The following ADAM32 variants were observed in gnomAD, a reference collection of about 807,000 sequenced individuals.
The protein encoded by ADAM32 is disintegrin and metalloproteinase domain-containing protein 32.
A neutral mutation model predicts 114.9 loss-of-function variants in ADAM32; 89 were observed. The ratio of observed to expected loss-of-function variants is 0.77; its 90% confidence interval spans 0.65 to 0.92. The LOEUF is 0.92. ADAM32 is among the 40% of genes least tolerant of loss of function. The pLI, the probability that ADAM32 is intolerant of heterozygous loss-of-function variation, is 0.00. For synonymous variants in ADAM32, 285 were observed against 307.5 expected, an observed-to-expected ratio of 0.93 and a Z score of 0.77; for missense variants, 870 against 932.8, an observed-to-expected ratio of 0.93 and a Z score of 0.88.
intron 11 of ADAM32, among the ~76,000 whole-genome samples, chr8:39,187,956 A>G (rs1806355665): frequency 6.6e-6 from 1 of 152,238 alleles, no homozygotes; most frequent in African/African-American, 2.4e-5. Context: ...GATATATCAG[A>G]CAAGAACTAC....
intron 3 of ADAM32, among the ~76,000 whole-genome samples, chr8:39,141,998 G>T (rs1441885480): frequency 1.3e-5 from 2 of 152,160 alleles, no homozygotes; most frequent in Non-Finnish European, 2.9e-5. Flanking sequence ...TTTTATCAGA[G>T]ACTAGGATTG....
At chr8:39,257,400 T>C (rs898405776) in intron 19 of ADAM32, 57 bp downstream of exon 19, 5 of 1,571,056 alleles carry the variant, frequency 3.2e-6, no homozygotes, top group East Asian at 2.3e-5. Context: ...TCTAGTTATA[T>C]GTAAGACAAT....
chr8:39,176,226 A>G (rs1434072478), intron 10 of ADAM32, among the ~76,000 whole-genome samples: 1 of 151,942 alleles, frequency 6.6e-6, no homozygotes, highest in Admixed American at 6.6e-5. Context: ...GTCTTCTGCT[A>G]GCTTTGGGGT....
intron 16 of ADAM32, among the ~76,000 whole-genome samples, chr8:39,239,286 A>G (rs993351853): frequency 2.6e-5 from 4 of 152,202 alleles, no homozygotes; most frequent in African/African-American, 9.6e-5. Flanking sequence ...AAACAAAACA[A>G]TTATCAGCTA....
chr8:39,221,730 C>G (rs372185672), intron 13 of ADAM32, 28 bp downstream of exon 13: 39 of 1,535,948 alleles, frequency 2.5e-5, no homozygotes, highest in Non-Finnish European at 3.2e-5. Context: ...GAACATCTTT[C>G]AAATATATAA....
At chr8:39,205,946 G>A (rs773414599) in intron 11 of ADAM32, among the ~76,000 whole-genome samples, 3 of 151,688 alleles carry the variant, frequency 2.0e-5, no homozygotes, top group African/African-American at 7.3e-5. Context: ...TTTCTTTCTT[G>A]TTTCATTCAT....
chr8:39,274,925 A>G (rs1413408909), intron 21 of ADAM32, among the ~76,000 whole-genome samples: 1 of 152,194 alleles, frequency 6.6e-6, no homozygotes, highest in African/African-American at 2.4e-5. Context: ...GTTACACTGG[A>G]GTTCATGGGA....
intron 15 of ADAM32, 84 bp downstream of exon 15, chr8:39,232,219 C>T (rs1162038290): frequency 9.8e-6 from 11 of 1,119,114 alleles, no homozygotes; most frequent in Non-Finnish European, 1.4e-5. Context: ...TCATTCATTC[C>T]AGTGGTTTAA....
chr8:39,116,085 T>C lies in ADAM32; in HGVS notation c.59-2001T>C, dbSNP rs559736292. Among the ~76,000 whole-genome samples, 4 of 152,334 alleles carry C rather than the reference T, an allele frequency of 2.6e-5. No homozygotes were observed. In the South Asian group the frequency reaches 8.3e-4, roughly 32 times the overall value. ...TTTCTGAGTTTTCTAACCTGTTCCA[T>C]TGGTCTATGTGTTTGTTTTTGTACC... On this transcript the variant is annotated intron_variant, in intron 1 of 24. Coordinates refer to ENST00000379907, the MANE Select transcript of ADAM32 (RefSeq NM_145004.7).
intron 16 of ADAM32, among the ~76,000 whole-genome samples, chr8:39,242,504 G>A (rs1480996229): frequency 6.6e-6 from 1 of 152,178 alleles, no homozygotes; most frequent in African/African-American, 2.4e-5. Context: ...GGTGGAAGGT[G>A]AAAGATACAT....
chr8:39,272,613 T>C (rs1192567046), intron 20 of ADAM32, among the ~76,000 whole-genome samples: 1 of 152,136 alleles, frequency 6.6e-6, no homozygotes, highest in East Asian at 1.9e-4. Context: ...GATATGTCTG[T>C]ATAGGGCACT....
At chr8:39,190,092 A>G (rs1253403518) in intron 11 of ADAM32, among the ~76,000 whole-genome samples, 1 of 152,170 alleles carries the variant, frequency 6.6e-6, no homozygotes, top group South Asian at 2.1e-4. Context: ...TGTCTACTCT[A>G]TATCTTTATG....
chr8:39,165,566 G>A (rs2129446233), intron 9 of ADAM32: 1 of 156,194 alleles, frequency 6.4e-6, no homozygotes, highest in Middle Eastern at 3.2e-3. Flanking sequence ...TCTTAAATAA[G>A]CTTTGACCAA....
chr8:39,263,968 GA>G (rs1812197843), intron 19 of ADAM32, among the ~76,000 whole-genome samples: 1 of 152,082 alleles, frequency 6.6e-6, no homozygotes, highest in Admixed American at 6.5e-5. Context: ...TTGATAATTT[GA>G]AAAGTAACAC....
At chr8:39,110,278 C>A (rs1197730478) in intron 1 of ADAM32, among the ~76,000 whole-genome samples, 2 of 152,114 alleles carry the variant, frequency 1.3e-5, no homozygotes, top group East Asian at 3.9e-4. Context: ...ACTGTGTTGA[C>A]CAGGCTGGTT....
intron 17 of ADAM32, among the ~76,000 whole-genome samples, chr8:39,251,527 T>C (rs895699708): frequency 6.6e-6 from 1 of 151,936 alleles, no homozygotes; most frequent in Non-Finnish European, 1.5e-5. Flanking sequence ...GAAATGTCTA[T>C]TCAGATCTTT....
chr8:39,198,564 G>C (rs1200082376), intron 11 of ADAM32, among the ~76,000 whole-genome samples: 1 of 152,120 alleles, frequency 6.6e-6, no homozygotes, highest in Non-Finnish European at 1.5e-5. Flanking sequence ...TGTTAGTGGA[G>C]ATGGGGTTTC....
chr8:39,185,397 G>A (rs1255922670), intron 10 of ADAM32, among the ~76,000 whole-genome samples: 1 of 151,426 alleles, frequency 6.6e-6, no homozygotes, highest in African/African-American at 2.4e-5. Flanking sequence ...GATTTTTGAC[G>A]ATATTGGTGT....
At chr8:39,145,857 A>T (rs972543629) in intron 3 of ADAM32, among the ~76,000 whole-genome samples, 2 of 151,900 alleles carry the variant, frequency 1.3e-5, no homozygotes, top group African/African-American at 4.8e-5. Flanking sequence ...CAGCCTCCCA[A>T]GTAGCTGGGA....
Sources: gnomAD v4.1 joint callset for allele counts (sites outside exome capture counted in the v4.1 genomes callset) on GRCh38, gnomAD v4.1.1 for gene constraint, MANE v1.5 for transcripts, NCBI Gene and HGNC (gene_info 2026-07-23, HGNC 2026-07-21) for gene names.